The following GRM8 variants were observed in gnomAD, a reference collection of about 807,000 sequenced individuals.
GRM8 encodes metabotropic glutamate receptor 8.
GRM8 carries 47 observed loss-of-function variants against 87.2 expected under a neutral mutation model. That is an observed-to-expected ratio of 0.54 (90% CI 0.43 to 0.69). GRM8 has a LOEUF of 0.69. Among genes scored for constraint, GRM8 ranks in the 30% least tolerant of loss-of-function variants. GRM8 has a pLI of 0.00. For missense variants in GRM8, 1,019 were observed against 1,139.2 expected (o/e 0.89, Z 1.52); for synonymous variants, 396 against 404.5 (o/e 0.98, Z 0.25).
intron 3 of GRM8, among the ~76,000 whole-genome samples, chr7:126,957,331 C>A (rs1218146869): frequency 2.0e-5 from 3 of 152,202 alleles, no homozygotes; most frequent in Non-Finnish European, 4.4e-5. Context: ...CTGTCTGGAG[C>A]AGCTGTGGCA....
At chr7:126,542,277 C>T (rs1030502174) in intron 8 of GRM8, among the ~76,000 whole-genome samples, 1 of 152,146 alleles carries the variant, frequency 6.6e-6, no homozygotes, top group Non-Finnish European at 1.5e-5. Context: ...TCAAAAGATA[C>T]CTCATTTGTC....
chr7:126,694,621 A>G lies in GRM8; in HGVS notation c.1357+75244T>C, dbSNP rs552219243. Among the ~76,000 whole-genome samples the G allele has an allele frequency of 2.0e-3, 307 of 152,314 alleles. 2 individuals are homozygous for G. Among genetic ancestry groups the G allele is most frequent in the African/African-American group, 6.6e-3 (276 of 41,576 alleles). The stretch of plus-strand genomic sequence containing the variant: ...ACTGTTATACATATGGAAAATTGTT[A>G]GCATGCCTTAAAGTGATCAAGAAAG... On this transcript the variant is annotated intron_variant, in intron 7 of 10. Transcript: ENST00000339582.
chr7:126,807,512 C>G (rs982173839), intron 6 of GRM8, among the ~76,000 whole-genome samples: 2 of 152,172 alleles, frequency 1.3e-5, no homozygotes, highest in Admixed American at 1.3e-4. Context: ...GATGCATTTC[C>G]CTAGTAAATC....
chr7:127,169,689 T>C (rs1793674834), intron 2 of GRM8, among the ~76,000 whole-genome samples: 1 of 152,232 alleles, frequency 6.6e-6, no homozygotes, highest in Non-Finnish European at 1.5e-5. Context: ...TAAGGGCTAA[T>C]GTGGCTGGTA....
intron 2 of GRM8, among the ~76,000 whole-genome samples, chr7:127,180,235 G>A (rs1236997647): frequency 1.3e-5 from 2 of 151,876 alleles, no homozygotes; most frequent in African/African-American, 4.8e-5. Flanking sequence ...TACGCACATA[G>A]CTAGAAAACC....
chr7:126,456,590 G>C (rs1365487028), intron 9 of GRM8, among the ~76,000 whole-genome samples: 6 of 140,638 alleles, frequency 4.3e-5, no homozygotes, highest in Non-Finnish European at 9.1e-5. Flanking sequence ...TAGAATTCAG[G>C]TCCATGGAGG....
At chr7:126,700,429 T>C (rs1255565192) in intron 7 of GRM8, among the ~76,000 whole-genome samples, 1 of 152,170 alleles carries the variant, frequency 6.6e-6, no homozygotes, top group Non-Finnish European at 1.5e-5. Flanking sequence ...GGGCAAGTAA[T>C]CTTTTTTAAT....
chr7:126,763,924 T>C (rs977080290), intron 7 of GRM8, among the ~76,000 whole-genome samples: 2 of 151,686 alleles, frequency 1.3e-5, no homozygotes, highest in East Asian at 1.9e-4. Context: ...ATGTTGTATG[T>C]CTCTCAGTAA....
At chr7:126,760,935 G>A (rs766244614) in intron 7 of GRM8, among the ~76,000 whole-genome samples, 19 of 151,982 alleles carry the variant, frequency 1.3e-4, no homozygotes, top group Non-Finnish European at 2.2e-4. Flanking sequence ...GATGATTCAC[G>A]CCTGCAATCC....
rs560074988 is a variant in GRM8, at chr7:126,532,745, T to C, written c.2430+207A>G. The stretch of plus-strand genomic sequence containing the variant: ...CTTTGTCAACACAAATTCAAAGCAA[T>C]GTGACCTTGACGGATGGAGATATAT... On this transcript the variant is annotated intron_variant, in intron 9 of 10. Coordinates refer to ENST00000339582, the MANE Select transcript of GRM8 (RefSeq NM_000845.3). Among the ~76,000 whole-genome samples the C allele has an allele frequency of 2.5e-3, 354 of 139,774 alleles. 1 individual carries two copies. The highest frequency in any genetic ancestry group is 7.6e-3 in the Middle Eastern group (2 of 262). 91.7% of individuals were successfully genotyped at this position (139,774 alleles called of 152,430 possible).
chr7:126,952,310 C>A (rs1346092533), intron 3 of GRM8, among the ~76,000 whole-genome samples: 1 of 151,836 alleles, frequency 6.6e-6, no homozygotes, highest in Non-Finnish European at 1.5e-5. Context: ...AATCTATTAT[C>A]TAAATAGGAG....
At chr7:126,561,175 C>T (rs962444607) in intron 8 of GRM8, among the ~76,000 whole-genome samples, 12 of 152,170 alleles carry the variant, frequency 7.9e-5, no homozygotes, top group East Asian at 3.9e-4. Context: ...AAAACAGCTA[C>T]GAAAGTAGTA....
intron 8 of GRM8, among the ~76,000 whole-genome samples, chr7:126,601,610 T>G (rs1797777064): frequency 6.8e-6 from 1 of 148,022 alleles, no homozygotes; most frequent in Non-Finnish European, 1.5e-5. Flanking sequence ...CCTGACTTTT[T>G]AATGATTGCC....
chr7:126,690,661 G>T (rs1808706083), intron 7 of GRM8, among the ~76,000 whole-genome samples: 2 of 152,126 alleles, frequency 1.3e-5, no homozygotes, highest in South Asian at 4.1e-4. Context: ...CCCACCATTT[G>T]GTGGGTCTCC....
chr7:127,152,336 T>C (rs1403319896), intron 2 of GRM8, among the ~76,000 whole-genome samples: 1 of 151,996 alleles, frequency 6.6e-6, no homozygotes, highest in African/African-American at 2.4e-5. Flanking sequence ...AAATCCAAAC[T>C]ATGACATACA....
intron 6 of GRM8, among the ~76,000 whole-genome samples, chr7:126,840,257 T>A (rs568380052): frequency 6.6e-6 from 1 of 152,326 alleles, no homozygotes; most frequent in South Asian, 2.1e-4. Context: ...TATTTTTGTT[T>A]CCATAATAGA....
chr7:127,239,841 G>A (rs1554617673), intron 2 of GRM8, among the ~76,000 whole-genome samples: 2 of 152,158 alleles, frequency 1.3e-5, no homozygotes, highest in Non-Finnish European at 2.9e-5. Context: ...AGAATCACCT[G>A]TAAGATGGAC....
intron 3 of GRM8, among the ~76,000 whole-genome samples, chr7:127,075,477 T>G (rs1291181086): frequency 6.6e-6 from 1 of 152,184 alleles, no homozygotes; most frequent in African/African-American, 2.4e-5. Flanking sequence ...TAGTTGGAAT[T>G]TTAAACTTTT....
At chr7:127,069,280 A>C (rs1489171442) in intron 3 of GRM8, among the ~76,000 whole-genome samples, 1 of 152,196 alleles carries the variant, frequency 6.6e-6, no homozygotes, top group Non-Finnish European at 1.5e-5. Context: ...TTCGTGCCTC[A>C]GCCTCCCAAG....
Sources: gnomAD v4.1 joint callset for allele counts (sites outside exome capture counted in the v4.1 genomes callset) on GRCh38, gnomAD v4.1.1 for gene constraint, MANE v1.5 for transcripts, NCBI Gene and HGNC (gene_info 2026-07-23, HGNC 2026-07-21) for gene names.